Variants in DOCK3 observed in about 807,000 individuals in gnomAD.
DOCK3 encodes dedicator of cytokinesis 3.
In DOCK3, 60 loss-of-function variants were observed where a neutral mutation model predicts 265.6. The ratio of observed to expected loss-of-function variants is 0.23; its 90% CI spans 0.18 to 0.28. The LOEUF (loss-of-function observed/expected upper bound fraction) is 0.28. Ranked by LOEUF, DOCK3 falls within the 10% of genes least tolerant of loss-of-function variation. The pLI is 1.00. For synonymous variants in DOCK3, 881 were observed against 938.0 expected, an observed-to-expected ratio of 0.94 and a Z score of 1.11; for missense variants, 1,981 against 2,594.3, an observed-to-expected ratio of 0.76 and a Z score of 5.14.
intron 5 of DOCK3, among the ~76,000 whole-genome samples, chr3:50,964,444 G>GT (rs2076972378): frequency 6.6e-6 from 1 of 152,044 alleles, no homozygotes; most frequent in South Asian, 2.1e-4. Flanking sequence ...AAACACCCAA[G>GT]TTTGAATCTC....
chr3:50,755,605 A>G (rs908200286), intron 1 of DOCK3, among the ~76,000 whole-genome samples: 24 of 152,202 alleles, frequency 1.6e-4, no homozygotes, highest in African/African-American at 5.8e-4. Context: ...AACCATCATC[A>G]TCTAATTTCA....
chr3:51,108,194 T>C (rs993351407), intron 9 of DOCK3, among the ~76,000 whole-genome samples: 1 of 152,140 alleles, frequency 6.6e-6, no homozygotes, highest in Non-Finnish European at 1.5e-5. Flanking sequence ...GCCTGGCTAA[T>C]TTTATGTTTC....
chr3:51,381,574 G>T lies in DOCK3; in HGVS notation c.*15G>T. On this transcript the variant is annotated 3_prime_UTR_variant, in exon 53 of 53. Transcript: ENST00000266037. This position sits in a 1 kb window ranked among gnomAD's most constrained non-coding sequence, Gnocchi z 5.6. ...GGGAGCAGTGAGGGGCAACGAGGCG[G>T]CTGGGATGCCGCCCTCAGTAAGCAG... 2 of 1,487,136 alleles carry T rather than the reference G, an allele frequency of 1.3e-6. No individual in the cohort carries two copies. Among genetic ancestry groups the T allele is most frequent in the Non-Finnish European group, 1.8e-6 (2 of 1,122,174 alleles). 92.1% of individuals were successfully genotyped at this position (1,487,136 alleles called of 1,614,324 possible). A position where few individuals can be genotyped will look rare whatever the true frequency, so the allele number is the denominator to read the frequency against.
chr3:50,983,612 T>C (rs2077783524), intron 5 of DOCK3, among the ~76,000 whole-genome samples: 1 of 152,146 alleles, frequency 6.6e-6, no homozygotes, highest in South Asian at 2.1e-4. Flanking sequence ...TGGGATACCC[T>C]TGCTGCAGAG....
intron 1 of DOCK3, among the ~76,000 whole-genome samples, chr3:50,677,006 C>G (rs1030554466): frequency 2.0e-5 from 3 of 152,174 alleles, no homozygotes; most frequent in African/African-American, 7.2e-5. Context: ...ATGTGAATCT[C>G]AAAGCACTAG....
chr3:51,100,306 G>GT (rs1359175445), intron 9 of DOCK3, among the ~76,000 whole-genome samples: 9 of 152,298 alleles, frequency 5.9e-5, no homozygotes, highest in East Asian at 1.9e-4. Context: ...TGAATTTTCT[G>GT]TTTTTTGTGG....
At chr3:50,960,012 T>A (rs2076844484) in intron 5 of DOCK3, among the ~76,000 whole-genome samples, 1 of 152,244 alleles carries the variant, frequency 6.6e-6, no homozygotes, top group Non-Finnish European at 1.5e-5. Flanking sequence ...CTTAGCATAA[T>A]GTTTTTGAGG....
chr3:51,345,196 G>A (rs1344145717), intron 38 of DOCK3, among the ~76,000 whole-genome samples: 1 of 152,186 alleles, frequency 6.6e-6, no homozygotes, highest in African/African-American at 2.4e-5. Flanking sequence ...ACCTGCCCAA[G>A]CGGCACTTGG....
At chr3:51,061,014 A>C (rs1373731048) in intron 5 of DOCK3, among the ~76,000 whole-genome samples, 1 of 152,194 alleles carries the variant, frequency 6.6e-6, no homozygotes, top group Admixed American at 6.5e-5. Context: ...ACAATGAGAT[A>C]CCATCTCACA....
chr3:51,043,205 C>T (rs893757395), intron 5 of DOCK3, among the ~76,000 whole-genome samples: 4 of 152,116 alleles, frequency 2.6e-5, no homozygotes, highest in African/African-American at 9.7e-5. Context: ...TCTACAGTAA[C>T]CAAAGCAGCA....
chr3:50,718,482 C>A (rs1451342064), intron 1 of DOCK3, among the ~76,000 whole-genome samples: 1 of 152,060 alleles, frequency 6.6e-6, no homozygotes, highest in African/African-American at 2.4e-5. Flanking sequence ...TGACTTTAAA[C>A]CCCTTTCATT....
At chr3:51,041,154 T>A (rs2109024000) in intron 5 of DOCK3, among the ~76,000 whole-genome samples, 1 of 114,246 alleles carries the variant, frequency 8.8e-6, no homozygotes, top group African/African-American at 3.1e-5. Context: ...CCTACAGCCT[T>A]ACAAAATGTA....
intron 5 of DOCK3, among the ~76,000 whole-genome samples, chr3:51,009,292 A>G (rs1024460878): frequency 3.9e-5 from 6 of 152,112 alleles, no homozygotes; most frequent in African/African-American, 1.4e-4. Context: ...CCTCAATTTC[A>G]GAGCCTGTTA....
At chr3:51,117,058 C>T (rs567474579) in intron 9 of DOCK3, among the ~76,000 whole-genome samples, 17 of 152,274 alleles carry the variant, frequency 1.1e-4, no homozygotes, top group Middle Eastern at 3.4e-3. Context: ...AAGGGGAATG[C>T]GTCCAGCTTT....
At chr3:51,045,958 G>C (rs895991627) in intron 5 of DOCK3, among the ~76,000 whole-genome samples, 1 of 152,086 alleles carries the variant, frequency 6.6e-6, no homozygotes, top group Non-Finnish European at 1.5e-5. Context: ...TCCTGCTCAT[G>C]GACCCTGACA....
chr3:51,034,439 CT>C (rs943914057), intron 5 of DOCK3, among the ~76,000 whole-genome samples: 5 of 151,924 alleles, frequency 3.3e-5, no homozygotes, highest in African/African-American at 1.2e-4. Flanking sequence ...ACATTCATAG[CT>C]TTTTATAGTC....
chr3:51,035,693 A>G (rs900516718), intron 5 of DOCK3, among the ~76,000 whole-genome samples: 3 of 151,988 alleles, frequency 2.0e-5, no homozygotes, highest in Admixed American at 2.0e-4. Flanking sequence ...TTTTTTGTTG[A>G]TCCTGAGAGT....
intron 3 of DOCK3, among the ~76,000 whole-genome samples, chr3:50,844,381 A>G (rs1008791139): frequency 1.3e-5 from 2 of 151,834 alleles, no homozygotes; most frequent in Non-Finnish European, 1.5e-5. Context: ...ACACCTGGCT[A>G]ATTTTTTTTT....
chr3:51,282,653 C>CAAA (rs1198884358), intron 27 of DOCK3, among the ~76,000 whole-genome samples: 1 of 81,496 alleles, frequency 1.2e-5, no homozygotes, highest in East Asian at 2.8e-4. Flanking sequence ...AACTCTGTCT[C>CAAA]AAAAAAAAAA....
Sources: allele counts gnomAD v4.1 joint callset (sites outside exome capture counted in the v4.1 genomes callset), GRCh38; gene constraint gnomAD v4.1.1; non-coding constraint Gnocchi (gnomAD v3.1); transcripts MANE v1.5; gene names NCBI Gene and HGNC (gene_info 2026-07-23, HGNC 2026-07-21).